The following TMEFF2 variants were observed in gnomAD, a reference collection of about 807,000 sequenced individuals.
TMEFF2 encodes transmembrane protein with EGF like and two follistatin like domains 2, also known as tomoregulin-2.
In TMEFF2, 28 loss-of-function variants were observed where a neutral mutation model predicts 53.8. That is an observed-to-expected ratio of 0.52 (90% CI 0.39 to 0.71). The LOEUF is 0.71. Among genes scored for constraint, TMEFF2 ranks in the 30% least tolerant of loss-of-function variants. TMEFF2 has a pLI of 0.00. For synonymous variants in TMEFF2, 162 were observed against 166.3 expected, an observed-to-expected ratio of 0.97 and a Z score of 0.20; for missense variants, 353 against 455.2, an observed-to-expected ratio of 0.78 and a Z score of 2.04.
intron 4 of TMEFF2, among the ~76,000 whole-genome samples, chr2:192,166,517 T>C (rs1332730950): frequency 6.6e-6 from 1 of 152,158 alleles, no homozygotes; most frequent in African/African-American, 2.4e-5. Context: ...TTGTAAAAGA[T>C]ATTGAGAAAG....
chr2:192,028,057 TGGGG>T (rs56753899), intron 5 of TMEFF2: 1,284 of 113,838 alleles, frequency 0.011, 57 homozygotes, highest in Admixed American at 0.077. Flanking sequence ...GATTGAATTA[TGGGG>T]GGGGGGGGGG....
intron 5 of TMEFF2, among the ~76,000 whole-genome samples, chr2:192,026,940 C>T (rs745811150): frequency 3.3e-5 from 5 of 152,192 alleles, no homozygotes; most frequent in Non-Finnish European, 7.3e-5. Context: ...GCGTAGCTCC[C>T]CTGCCATTTT....
At chr2:192,107,945 A>G (rs917755791) in intron 4 of TMEFF2, among the ~76,000 whole-genome samples, 12 of 145,288 alleles carry the variant, frequency 8.3e-5, no homozygotes, top group Non-Finnish European at 1.7e-4. Context: ...TAGAAACAAT[A>G]TAACTGTTTT....
At chr2:192,065,431 T>A (rs183725461) in intron 4 of TMEFF2, among the ~76,000 whole-genome samples, 1 of 151,944 alleles carries the variant, frequency 6.6e-6, no homozygotes, top group East Asian at 1.9e-4. Flanking sequence ...TAATGAGACT[T>A]CTAGATTTAA....
At chr2:191,955,905 C>T (rs571366520) in intron 8 of TMEFF2, among the ~76,000 whole-genome samples, 1 of 152,194 alleles carries the variant, frequency 6.6e-6, no homozygotes, top group Admixed American at 6.5e-5. Flanking sequence ...ATTCATTTGT[C>T]TGATAAATAC....
chr2:192,138,608 G>T (rs1270567912), intron 4 of TMEFF2, among the ~76,000 whole-genome samples: 1 of 152,158 alleles, frequency 6.6e-6, no homozygotes, highest in Non-Finnish European at 1.5e-5. Context: ...CAACCACCTG[G>T]GCATGTAACT....
intron 5 of TMEFF2, among the ~76,000 whole-genome samples, chr2:192,040,366 A>G (rs1687442690): frequency 6.6e-6 from 1 of 152,044 alleles, no homozygotes; most frequent in South Asian, 2.1e-4. Flanking sequence ...CTCTTATTTA[A>G]GTATCTTCAT....
chr2:192,132,461 C>T (rs959194813), intron 4 of TMEFF2, among the ~76,000 whole-genome samples: 1 of 152,068 alleles, frequency 6.6e-6, no homozygotes, highest in Non-Finnish European at 1.5e-5. Flanking sequence ...TTTTATTACC[C>T]AATCTGCTCC....
intron 4 of TMEFF2, among the ~76,000 whole-genome samples, chr2:192,111,101 A>G (rs1689265606): frequency 6.6e-6 from 1 of 152,024 alleles, no homozygotes; most frequent in African/African-American, 2.4e-5. Context: ...TTAAAAATGG[A>G]CTAATACAGT....
chr2:191,993,012 G>A (rs1200717884), intron 7 of TMEFF2, among the ~76,000 whole-genome samples: 1 of 152,048 alleles, frequency 6.6e-6, no homozygotes, highest in Non-Finnish European at 1.5e-5. Context: ...TTTAACCTTA[G>A]TTCTATCACA....
chr2:192,178,618 G>C (rs1156679275), intron 4 of TMEFF2: 1 of 151,070 alleles, frequency 6.6e-6, no homozygotes, highest in Non-Finnish European at 1.5e-5. Flanking sequence ...TGTTCTGTGG[G>C]TATTGCTTAT....
chr2:192,087,869 G>A (rs1418534038), intron 4 of TMEFF2, among the ~76,000 whole-genome samples: 1 of 152,072 alleles, frequency 6.6e-6, no homozygotes, highest in Non-Finnish European at 1.5e-5. Context: ...TACGACATTT[G>A]AATATAAAAG....
chr2:191,958,187 G>A (rs1285556854), intron 7 of TMEFF2, among the ~76,000 whole-genome samples: 1 of 152,150 alleles, frequency 6.6e-6, no homozygotes, highest in Non-Finnish European at 1.5e-5. Context: ...GTTTAAAGGA[G>A]ACTTTAGCAG....
At chr2:192,060,049 T>TTA (rs957400190) in intron 4 of TMEFF2, among the ~76,000 whole-genome samples, 4 of 151,384 alleles carry the variant, frequency 2.6e-5, no homozygotes, top group Non-Finnish European at 5.9e-5. Context: ...TCATATTTTT[T>TTA]TTTTTTTAAT....
At chr2:192,023,019 T>A (rs1686891974) in intron 5 of TMEFF2, among the ~76,000 whole-genome samples, 1 of 152,172 alleles carries the variant, frequency 6.6e-6, no homozygotes, top group Non-Finnish European at 1.5e-5. Flanking sequence ...TTTTTTTACT[T>A]GCTTATTCAT....
At chr2:192,085,772 A>G (rs1221418595) in intron 4 of TMEFF2, among the ~76,000 whole-genome samples, 1 of 152,120 alleles carries the variant, frequency 6.6e-6, no homozygotes, top group African/African-American at 2.4e-5. Flanking sequence ...AGGTCAGAGA[A>G]ACCTAGCATA....
At chr2:192,103,962 A>C (rs1372829735) in intron 4 of TMEFF2, among the ~76,000 whole-genome samples, 1 of 152,016 alleles carries the variant, frequency 6.6e-6, no homozygotes, top group Non-Finnish European at 1.5e-5. Flanking sequence ...TACTCTGAGC[A>C]AGATGGAAAA....
At chr2:192,184,277 A>T in intron 3 of TMEFF2, 77 bp downstream of exon 3, 1 of 1,538,640 alleles carries the variant, frequency 6.5e-7, no homozygotes, top group Non-Finnish European at 8.9e-7. Context: ...ATTTATTGGG[A>T]GATAACAAGA....
intron 4 of TMEFF2, among the ~76,000 whole-genome samples, chr2:192,124,948 T>C (rs992546247): frequency 6.6e-6 from 1 of 152,158 alleles, no homozygotes; most frequent in Admixed American, 6.6e-5. Flanking sequence ...TACTTGTCTA[T>C]TGTATACCCA....
Sources: gnomAD v4.1 joint callset for allele counts (sites outside exome capture counted in the v4.1 genomes callset) on GRCh38, gnomAD v4.1.1 for gene constraint, MANE v1.5 for transcripts, NCBI Gene and HGNC (gene_info 2026-07-23, HGNC 2026-07-21) for gene names.